RNF213: variants seen among roughly 807,000 people sequenced by gnomAD.
RNF213 encodes ring finger protein 213.
In RNF213, 341 loss-of-function variants were observed where a neutral mutation model predicts 514.4. The observed-to-expected ratio is 0.66, with a 90% CI of 0.61 to 0.73. The LOEUF (loss-of-function observed/expected upper bound fraction) is 0.73. RNF213 is among the 30% of genes least tolerant of loss of function. The pLI is 0.00. For synonymous variants in RNF213, 2,655 were observed against 2,658.2 expected, an observed-to-expected ratio of 1.00 and a Z score of 0.04; for missense variants, 5,767 against 6,615.6, an observed-to-expected ratio of 0.87 and a Z score of 4.45.
At chr17:80,283,127 G>C (rs1208701080) in intron 3 of RNF213, among the ~76,000 whole-genome samples, 1 of 152,164 alleles carries the variant, frequency 6.6e-6, no homozygotes, top group Non-Finnish European at 1.5e-5. Flanking sequence ...TGGTTATGTA[G>C]TTCGAGATTC....
chr17:80,340,506 C>T (rs1024278840), intron 26 of RNF213, 150 bp downstream of exon 26: 3 of 743,780 alleles, frequency 4.0e-6, no homozygotes, highest in African/African-American at 3.5e-5. Context: ...AGGGTCTGTG[C>T]CAGAACCAGG....
At chr17:80,322,224 G>T (rs1338261579) in intron 17 of RNF213, among the ~76,000 whole-genome samples, 1 of 117,664 alleles carries the variant, frequency 8.5e-6, no homozygotes, top group Non-Finnish European at 1.6e-5. Context: ...ACAATGGCAC[G>T]ATCACAGCTC....
At position 80,388,694 on chromosome 17, in the gene RNF213, T is replaced by G. The variant is rs2080338404; in HGVS notation, c.15000+5T>G. ...ATCAAGAACAAAATGGCACAGGTGA[T>G]CCCGATAAACCTGATCCTGTGCACG... On this transcript the variant is annotated splice_donor_5th_base_variant and intron_variant, in intron 64 of 67. Transcript: ENST00000582970. 2 of 1,601,734 alleles carry G rather than the reference T, an allele frequency of 1.2e-6. No individual in the cohort carries two copies. Among genetic ancestry groups the G allele is most frequent in the Non-Finnish European group, 8.5e-7 (1 of 1,169,682 alleles).
intron 3 of RNF213, among the ~76,000 whole-genome samples, chr17:80,273,768 C>T (rs2043917132): frequency 6.6e-6 from 1 of 152,074 alleles, no homozygotes; most frequent in South Asian, 2.1e-4. Context: ...TACAGGCATG[C>T]ACCACCACGA....
Position 80,263,873 on chromosome 17 carries a change from C to A in RNF213, c.97+95C>A. The A allele has an allele frequency of 9.4e-7, 1 of 1,063,590 alleles. No homozygotes were observed. Among genetic ancestry groups the A allele is most frequent in the Non-Finnish European group, 1.4e-6 (1 of 692,914 alleles). The allele number at this position is 1,063,590 out of a possible 1,614,324, so 65.9% of individuals were successfully genotyped here. ...GGAAATGGAAACCCTGGGCAGCAGG[C>A]AGCTCAGGTGGGGCCGAGGTCCTCT... On this transcript the variant is annotated intron_variant, in intron 2 of 67. Coordinates refer to ENST00000582970, the MANE Select transcript of RNF213 (RefSeq NM_001256071.3). This position sits in a 1 kb window ranked among gnomAD's most constrained non-coding sequence, Gnocchi z 4.9.
intron 9 of RNF213, 141 bp downstream of exon 9, chr17:80,295,144 G>A: frequency 2.0e-6 from 2 of 992,730 alleles, no homozygotes; most frequent in Non-Finnish European, 3.1e-6. Flanking sequence ...TCCTACCACT[G>A]TCTCTTGGGA....
At chr17:80,270,755 C>T (rs765920959) in intron 2 of RNF213, among the ~76,000 whole-genome samples, 2 of 152,192 alleles carry the variant, frequency 1.3e-5, no homozygotes, top group Non-Finnish European at 2.9e-5. Flanking sequence ...TGAAACCCAG[C>T]TCTCCTAGGC....
chr17:80,268,354 G>GAAAA (rs898719348), intron 2 of RNF213, among the ~76,000 whole-genome samples: 1 of 73,176 alleles, frequency 1.4e-5, no homozygotes, highest in Non-Finnish European at 2.4e-5. Flanking sequence ...CCCTGTCTCA[G>GAAAA]AAAAAAAAAA....
intron 37 of RNF213, among the ~76,000 whole-genome samples, chr17:80,359,592 GAA>G (rs778142850): frequency 8.1e-6 from 1 of 122,750 alleles, no homozygotes; most frequent in African/African-American, 3.0e-5. Flanking sequence ...GAAAGAGAAA[GAA>G]AGAGCGAGAG....
intron 18 of RNF213, among the ~76,000 whole-genome samples, chr17:80,327,319 G>A (rs2143921593): frequency 6.6e-6 from 1 of 152,330 alleles, no homozygotes; most frequent in African/African-American, 2.4e-5. Flanking sequence ...GCAACAAAGT[G>A]AGACCCTGTT....
chr17:80,389,037 C>T (rs918939212), intron 64 of RNF213, 136 bp from the exon 65 acceptor site: 15 of 795,238 alleles, frequency 1.9e-5, no homozygotes, highest in South Asian at 3.1e-5. Context: ...GCACACCGTG[C>T]GCCCAAGTGT....
intron 60 of RNF213, 27 bp from the exon 61 acceptor site, chr17:80,385,511 G>C: frequency 6.2e-7 from 1 of 1,608,860 alleles, no homozygotes; most frequent in African/African-American, 1.3e-5. Flanking sequence ...CTATCATACG[G>C]TTCTTACCAA....
At chr17:80,344,088 G>A (rs1022960562) in intron 28 of RNF213, 73 bp downstream of exon 28, 3 of 1,516,962 alleles carry the variant, frequency 2.0e-6, no homozygotes, top group Admixed American at 1.9e-5. Flanking sequence ...GAAGTGGAAT[G>A]GCGCGTTTAG....
chr17:80,349,681 C>G, intron 29 of RNF213, 89 bp from the exon 30 acceptor site: 2 of 1,414,294 alleles, frequency 1.4e-6, no homozygotes, highest in Non-Finnish European at 2.0e-6. Context: ...CTGAACATCG[C>G]AGGTTTCTAG....
chr17:80,261,283 C>T (rs533101218), intron 1 of RNF213, among the ~76,000 whole-genome samples: 1 of 152,300 alleles, frequency 6.6e-6, no homozygotes, highest in East Asian at 1.9e-4. Context: ...GCAGGTCCGC[C>T]CGGGAATCCT....
chr17:80,374,478 A>C lies in RNF213; in HGVS notation c.12963A>C (p.Pro4321=), dbSNP rs1393782801. The stretch of plus-strand genomic sequence containing the variant: ...TCCAGGGGCTGCGGCAGGACCACCC[A>C]GGCCAGATGGATAGGTACCTGGTGT... ...VKQQGLRQDH[P]GQMDRYLVYG... Residue 4321 remains proline, a synonymous_variant, in exon 50 of 68, where the codon CCA becomes CCC. Coordinates refer to ENST00000582970, the MANE Select transcript of RNF213 (RefSeq NM_001256071.3). 1.9e-6 allele frequency: 3 copies of C among 1,614,158 alleles called. No homozygotes were observed. The highest frequency in any genetic ancestry group is 2.5e-6 in the Non-Finnish European group (3 of 1,180,016).
chr17:80,354,770 T>C, intron 36 of RNF213, 194 bp downstream of exon 36: 1 of 650,768 alleles, frequency 1.5e-6, no homozygotes, highest in Admixed American at 2.8e-5. Flanking sequence ...TGGCAGGTGC[T>C]GGACTCTTCC....
At chr17:80,383,624 G>A in intron 58 of RNF213, 53 bp from the exon 59 acceptor site, 2 of 1,602,328 alleles carry the variant, frequency 1.2e-6, no homozygotes, top group Non-Finnish European at 1.7e-6. Flanking sequence ...GTTACAATCT[G>A]TTTGTAGCAA....
chr17:80,305,846 C>A (rs1321998029), intron 11 of RNF213, among the ~76,000 whole-genome samples: 1 of 152,108 alleles, frequency 6.6e-6, no homozygotes, highest in Non-Finnish European at 1.5e-5. Context: ...TTGCAAACTT[C>A]TAACCTCAAC....
Sources: gnomAD v4.1 joint callset for allele counts (sites outside exome capture counted in the v4.1 genomes callset) on GRCh38, gnomAD v4.1.1 for gene constraint, Gnocchi (gnomAD v3.1) non-coding constraint, MANE v1.5 for transcripts, NCBI Gene and HGNC (gene_info 2026-07-23, HGNC 2026-07-21) for gene names.